Variants in CUL5 observed in about 807,000 individuals in gnomAD.
The protein encoded by CUL5 is cullin-5.
Under a neutral mutation model 108.8 loss-of-function variants are expected in CUL5, and 26 were observed. The observed-to-expected ratio is 0.24, with a 90% CI of 0.18 to 0.33. The LOEUF (loss-of-function observed/expected upper bound fraction) is 0.33. Among genes scored for constraint, CUL5 ranks in the 10% least tolerant of loss-of-function variants. The pLI, the probability that CUL5 is intolerant of heterozygous loss-of-function variation, is 1.00. For missense variants in CUL5, 524 were observed against 909.2 expected, an observed-to-expected ratio of 0.58 and a Z score of 5.45; for synonymous variants, 334 against 298.0, an observed-to-expected ratio of 1.12 and a Z score of -1.25.
intron 4 of CUL5, among the ~76,000 whole-genome samples, chr11:108,051,703 T>C (rs183727762): frequency 6.6e-6 from 1 of 152,332 alleles, no homozygotes; most frequent in East Asian, 1.9e-4. Flanking sequence ...TAAGGTCCAG[T>C]ATCAGATTTT....
chr11:108,090,267 T>C (rs1195166025), intron 13 of CUL5, among the ~76,000 whole-genome samples: 2 of 152,026 alleles, frequency 1.3e-5, no homozygotes, highest in Non-Finnish European at 2.9e-5. Flanking sequence ...GGCAGGTGGA[T>C]CACAAGGTCA....
chr11:108,082,357 T>A (rs964648761), intron 11 of CUL5, among the ~76,000 whole-genome samples: 6 of 151,276 alleles, frequency 4.0e-5, no homozygotes, highest in Non-Finnish European at 5.9e-5. Flanking sequence ...CATGGCTCAC[T>A]GCAGTGTTGC....
At chr11:108,063,851 A>G (rs1258314840) in intron 7 of CUL5, among the ~76,000 whole-genome samples, 2 of 152,182 alleles carry the variant, frequency 1.3e-5, no homozygotes, top group South Asian at 2.1e-4. Flanking sequence ...CATTCCCACC[A>G]TCATTATACG....
rs1407206715 is a variant in CUL5, at chr11:108,105,614, A to G, written c.*1230A>G. The G allele has an allele frequency of 6.6e-6, 1 of 152,136 alleles. No individual in the cohort carries two copies. The highest frequency in any genetic ancestry group is 1.5e-5 in the Non-Finnish European group (1 of 67,992). The allele number at this position is 152,136 out of a possible 1,614,324, so 9.4% of individuals were successfully genotyped here. On this transcript the variant is annotated 3_prime_UTR_variant, in exon 19 of 19. Coordinates refer to ENST00000393094, the MANE Select transcript of CUL5 (RefSeq NM_003478.6). ...TCCTTTCAGTCTATCCAAAGTAGCA[A>G]CTTAACTAGTTGCTGGCAACTGAAT...
chr11:108,042,294 A>C (rs1862944799), intron 2 of CUL5, among the ~76,000 whole-genome samples: 1 of 142,478 alleles, frequency 7.0e-6, no homozygotes, highest in Non-Finnish European at 1.5e-5. Context: ...GTCTCGGCTC[A>C]CTGCAACCTC....
At chr11:108,052,892 C>G in intron 5 of CUL5, 91 bp downstream of exon 5, 2 of 1,093,762 alleles carry the variant, frequency 1.8e-6, no homozygotes, top group Non-Finnish European at 2.5e-6. Context: ...AGTTTATTGG[C>G]ATACAAAGTT....
intron 11 of CUL5, among the ~76,000 whole-genome samples, chr11:108,087,702 G>A (rs544633325): frequency 3.9e-5 from 6 of 152,262 alleles, no homozygotes; most frequent in East Asian, 1.9e-4. Context: ...TGGCCCACGC[G>A]TATAATCCTA....
intron 7 of CUL5, among the ~76,000 whole-genome samples, chr11:108,062,420 G>C (rs1863559859): frequency 6.6e-6 from 1 of 151,726 alleles, no homozygotes; most frequent in South Asian, 2.1e-4. Flanking sequence ...GCTGATCTGA[G>C]TTTTGTCAGT....
intron 9 of CUL5, 127 bp from the exon 10 acceptor site, chr11:108,073,263 T>C (rs1863868370): frequency 1.7e-6 from 1 of 574,728 alleles, no homozygotes; most frequent in Non-Finnish European, 3.1e-6. Flanking sequence ...GAACACCTTT[T>C]AGTTTTATTT....
chr11:108,051,440 A>C (rs1188389617), intron 4 of CUL5, among the ~76,000 whole-genome samples: 1 of 152,188 alleles, frequency 6.6e-6, no homozygotes, highest in Non-Finnish European at 1.5e-5. Context: ...CACATATCTA[A>C]AGGGGGGATA....
chr11:108,022,441 A>G lies in CUL5; in HGVS notation c.25-11361A>G, dbSNP rs553750250. 1.5e-3 allele frequency among the ~76,000 whole-genome samples: 228 copies of G among 152,252 alleles called. 1 individual carries two copies. The highest frequency in any genetic ancestry group is 5.1e-3 in the African/African-American group (213 of 41,558). ...TTATATATCTGCTCCTTTACTCATG[A>G]CCTAGTAAAGTGGGATTGTTACAGA... On this transcript the variant is annotated intron_variant, in intron 1 of 18. Transcript: ENST00000393094.
At chr11:108,050,754 A>G (rs1863196522) in intron 4 of CUL5, among the ~76,000 whole-genome samples, 1 of 152,158 alleles carries the variant, frequency 6.6e-6, no homozygotes, top group South Asian at 2.1e-4. Context: ...TTTATGTTTA[A>G]TTGTGGCTAA....
intron 18 of CUL5, among the ~76,000 whole-genome samples, chr11:108,101,355 A>C (rs1864660001): frequency 1.3e-5 from 2 of 152,220 alleles, no homozygotes; most frequent in African/African-American, 4.8e-5. Flanking sequence ...GTAGTTGATT[A>C]TCTTTGGGAA....
chr11:108,067,807 G>A lies in CUL5; in HGVS notation c.781-2289G>A, dbSNP rs1244994011. ...TCACTGCTTAAGGTGGAAGTGTTTAGTTGGGCCTATTCCAGTGATGTTATA... is the reference window on the plus strand; with the variant it reads ...TCACTGCTTAAGGTGGAAGTGTTTAATTGGGCCTATTCCAGTGATGTTATA... On this transcript the variant is annotated intron_variant, in intron 7 of 18. Coordinates refer to ENST00000393094, the MANE Select transcript of CUL5 (RefSeq NM_003478.6). Among the ~76,000 whole-genome samples, 3 of 152,290 alleles carry A rather than the reference G, an allele frequency of 2.0e-5. 1 individual carries two copies. The highest frequency in any genetic ancestry group is 1.3e-4 in the Admixed American group (2 of 15,284).
intron 1 of CUL5, among the ~76,000 whole-genome samples, chr11:108,024,615 TAGA>T (rs1468577029): frequency 6.6e-6 from 1 of 152,182 alleles, no homozygotes; most frequent in Non-Finnish European, 1.5e-5. Context: ...GTGAAGTTAA[TAGA>T]AGATACAAAT....
chr11:108,017,838 C>A (rs1003485470), intron 1 of CUL5, among the ~76,000 whole-genome samples: 32 of 151,926 alleles, frequency 2.1e-4, no homozygotes, highest in Non-Finnish European at 3.1e-4. Flanking sequence ...CAGAGTGAGA[C>A]CCTGTCTCAA....
chr11:108,069,840 T>TC (rs1170621289), intron 7 of CUL5, among the ~76,000 whole-genome samples: 1 of 152,224 alleles, frequency 6.6e-6, no homozygotes, highest in East Asian at 1.9e-4. Context: ...TGTATATTTT[T>TC]CTCTCCCCTC....
intron 7 of CUL5, among the ~76,000 whole-genome samples, chr11:108,067,261 T>G (rs149927000): frequency 6.6e-6 from 1 of 152,336 alleles, no homozygotes; most frequent in East Asian, 1.9e-4. Context: ...TATAATAATT[T>G]GTTTAACCTC....
chr11:108,014,565 A>G (rs1591269500), intron 1 of CUL5, among the ~76,000 whole-genome samples: 1 of 152,236 alleles, frequency 6.6e-6, no homozygotes, highest in East Asian at 1.9e-4. Flanking sequence ...TATTTTCTGT[A>G]TATTTATAAT....
Sources: gnomAD v4.1 joint callset for allele counts (sites outside exome capture counted in the v4.1 genomes callset) on GRCh38, gnomAD v4.1.1 for gene constraint, MANE v1.5 for transcripts, NCBI Gene and HGNC (gene_info 2026-07-23, HGNC 2026-07-21) for gene names.